TNS1: variants seen among roughly 807,000 people sequenced by gnomAD.
The protein encoded by TNS1 is tensin 1.
A neutral mutation model predicts 168.6 loss-of-function variants in TNS1; 62 were observed. The ratio of observed to expected loss-of-function variants is 0.37; its 90% CI spans 0.30 to 0.45. The LOEUF is 0.45. Ranked by LOEUF, TNS1 falls within the 20% of genes least tolerant of loss-of-function variation. The probability of loss-of-function intolerance (pLI) is 1.00; values close to 1 mark genes in which losing one functional copy is unlikely to be tolerated. For missense variants in TNS1, 2,240 were observed against 2,339.4 expected (o/e 0.96, Z 0.88); for synonymous variants, 934 against 933.2 (o/e 1.00, Z -0.02).
chr2:217,909,788 AG>A (rs985367321), intron 4 of TNS1, among the ~76,000 whole-genome samples: 5 of 152,132 alleles, frequency 3.3e-5, no homozygotes, highest in African/African-American at 1.2e-4. Context: ...GCTCCCTAAA[AG>A]GCCTTGGCAG....
intron 22 of TNS1, among the ~76,000 whole-genome samples, chr2:217,823,210 A>C (rs978784053): frequency 1.3e-5 from 2 of 152,160 alleles, no homozygotes; most frequent in Non-Finnish European, 2.9e-5. Flanking sequence ...TAAATATCTT[A>C]GGCTGTTGGG....
intron 1 of TNS1, among the ~76,000 whole-genome samples, chr2:217,991,973 C>T (rs1228068422): frequency 6.6e-6 from 1 of 152,206 alleles, no homozygotes; most frequent in Non-Finnish European, 1.5e-5. Flanking sequence ...TCAGTCACCA[C>T]TCCACCACTA....
intron 3 of TNS1, among the ~76,000 whole-genome samples, chr2:217,968,923 T>C (rs1294877116): frequency 6.6e-6 from 1 of 152,190 alleles, no homozygotes; most frequent in Middle Eastern, 3.4e-3. Context: ...TCGAACTCCT[T>C]ACCCACCTCA....
chr2:217,808,052 C>T, intron 32 of TNS1, 23 bp downstream of exon 32: 1 of 1,613,064 alleles, frequency 6.2e-7, no homozygotes, highest in Non-Finnish European at 8.5e-7. Context: ...GCCTGCTGGG[C>T]AGGGGTAAGA....
intron 30 of TNS1, 54 bp downstream of exon 30, chr2:217,809,769 T>C (rs1022042045): frequency 6.4e-7 from 1 of 1,557,048 alleles, no homozygotes; most frequent in Non-Finnish European, 8.8e-7. Flanking sequence ...CACGGATGAA[T>C]AGATGAGTCA....
At chr2:217,897,694 A>G (rs2125735594) in intron 8 of TNS1, 104 bp downstream of exon 8, 1 of 1,268,410 alleles carries the variant, frequency 7.9e-7, no homozygotes, top group Middle Eastern at 2.4e-4. Flanking sequence ...AGAAGAGGGC[A>G]TGCTGGCACA....
intron 30 of TNS1, among the ~76,000 whole-genome samples, chr2:217,809,196 GATGGATGGATGGATGGATGC>G (rs1939895849): frequency 1.2e-5 from 1 of 83,968 alleles, no homozygotes; most frequent in East Asian, 3.0e-4. Context: ...TGGATGGATG[GATGGATGGATGGATGGATGC>G]ATGGATGGAT....
chr2:217,845,200 GGA>G (rs1252932098), intron 19 of TNS1, among the ~76,000 whole-genome samples: 12 of 152,204 alleles, frequency 7.9e-5, no homozygotes, highest in African/African-American at 2.9e-4. Context: ...CAGACCTGGG[GGA>G]GGAAAGCCAG....
At chr2:217,847,485 G>C (rs779867107) in intron 19 of TNS1, 25 bp downstream of exon 19, 1 of 1,398,344 alleles carries the variant, frequency 7.2e-7, no homozygotes, top group Non-Finnish European at 9.4e-7. Flanking sequence ...AGGGGTAGAA[G>C]GAGTCAGGAC....
At position 217,828,985 on chromosome 2, in the gene TNS1, G is replaced by T. The variant is rs12623616; in HGVS notation, c.3373+2470C>A. ...CACTGGCAATGTTGGAGACATTTTC[G>T]ATTGTCATGACTGAGTGAGAGCTAC... On this transcript the variant is annotated intron_variant, in intron 22 of 32. Coordinates refer to ENST00000682258, the MANE Select transcript of TNS1 (RefSeq NM_001387777.1). Among the ~76,000 whole-genome samples, 368 of 152,288 alleles carry T rather than the reference G, an allele frequency of 2.4e-3. 18 individuals carry two copies. The East Asian group carries it at 0.06, about 25-fold the overall frequency.
chr2:217,803,532 C>T lies in TNS1; in HGVS notation c.*927G>A, dbSNP rs1387052776. On this transcript the variant is annotated 3_prime_UTR_variant, in exon 33 of 33. Transcript: ENST00000682258. ...TCTGACAGATCTCTTCCTATGGATACACATATCTCTACCTCCTCAAACCAA... is the reference window on the plus strand; with the variant it reads ...TCTGACAGATCTCTTCCTATGGATATACATATCTCTACCTCCTCAAACCAA... The T allele has an allele frequency of 6.5e-6, 1 of 152,688 alleles. No homozygotes were observed. The highest frequency in any genetic ancestry group is 1.5e-5 in the Non-Finnish European group (1 of 68,090). The allele number at this position is 152,688 out of a possible 1,614,324, so 9.5% of individuals were successfully genotyped here.
Position 217,848,821 on chromosome 2 carries a change from C to A in TNS1, c.1696G>T (p.Asp566Tyr), listed in dbSNP as rs1487960854. 1.9e-6 allele frequency: 3 copies of A among 1,613,926 alleles called. No individual in the cohort carries two copies. The African/African-American group carries it at 4.0e-5, about 22-fold the overall frequency. The change falls in exon 19 of 33, where the codon GAC (aspartate) becomes TAC (tyrosine). Residue 566 changes from aspartate to tyrosine, a missense_variant. Physicochemically the swap from Asp to Tyr is radical, Grantham distance 160. Coordinates refer to ENST00000682258, the MANE Select transcript of TNS1 (RefSeq NM_001387777.1). ...AAGCCAAAGCCACTCAGCAGGCGGT[C>A]CAGCTCCCGCTTCTCCTGGGGACTC... ...ALSPQEKREL[D>Y]RLLSGFGLER...
At chr2:217,884,147 G>GTGGATGGATGGA (rs562041033) in intron 16 of TNS1, among the ~76,000 whole-genome samples, 4,261 of 119,570 alleles carry the variant, frequency 0.036, 258 homozygotes, top group African/African-American at 0.12. Flanking sequence ...GGGTGGGTGG[G>GTGGATGGATGGA]TGGATGGATG....
intron 21 of TNS1, among the ~76,000 whole-genome samples, chr2:217,833,066 G>A (rs957900806): frequency 2.0e-5 from 3 of 152,168 alleles, no homozygotes; most frequent in African/African-American, 4.8e-5. Flanking sequence ...AACCAATGGC[G>A]GTTGAATGAA....
At chr2:217,867,775 A>G (rs1371692310) in intron 18 of TNS1, among the ~76,000 whole-genome samples, 1 of 152,142 alleles carries the variant, frequency 6.6e-6, no homozygotes, top group Non-Finnish European at 1.5e-5. Flanking sequence ...TCTTCTCCAG[A>G]TATTTGTCTG....
intron 3 of TNS1, among the ~76,000 whole-genome samples, chr2:217,963,586 A>G (rs1957551316): frequency 6.6e-6 from 1 of 152,208 alleles, no homozygotes; most frequent in South Asian, 2.1e-4. Context: ...TCTAATGTAT[A>G]TTTCCAAATA....
At chr2:217,891,124 A>G (rs546326994) in intron 11 of TNS1, 79 bp from the exon 12 acceptor site, 2 of 1,373,956 alleles carry the variant, frequency 1.5e-6, no homozygotes, top group Admixed American at 3.5e-5. Flanking sequence ...CTGCTCCCTC[A>G]GACCTGCAGA....
At chr2:217,885,990 C>T in intron 14 of TNS1, 54 bp downstream of exon 14, 1 of 1,602,076 alleles carries the variant, frequency 6.2e-7, no homozygotes, top group Non-Finnish European at 8.5e-7. Flanking sequence ...CTGACCTGGT[C>T]CTTAGCCCTG....
At chr2:217,893,343 C>A (rs927028171) in intron 10 of TNS1, 96 bp downstream of exon 10, 61 of 1,468,882 alleles carry the variant, frequency 4.2e-5, no homozygotes, top group Non-Finnish European at 5.2e-5. Flanking sequence ...TAGGCAGGTA[C>A]ACACAATCAT....
Sources: gnomAD v4.1 joint callset for allele counts (sites outside exome capture counted in the v4.1 genomes callset) on GRCh38, gnomAD v4.1.1 for gene constraint, MANE v1.5 for transcripts, NCBI Gene and HGNC (gene_info 2026-07-23, HGNC 2026-07-21) for gene names.